The following SSX3 variants were observed in gnomAD, a reference collection of about 807,000 sequenced individuals.
The protein encoded by SSX3 is SSX family member 3, also known as protein SSX3.
SSX3 carries 6 observed loss-of-function variants against 14.8 expected under a neutral mutation model. That is an observed-to-expected ratio of 0.41 (90% CI 0.22 to 0.80). SSX3 has a LOEUF of 0.80. SSX3 is among the 30% of genes least tolerant of loss of function. SSX3 has a pLI of 0.34. For missense variants in SSX3, 163 were observed against 152.2 expected, an observed-to-expected ratio of 1.07 and a Z score of -0.37; for synonymous variants, 55 against 52.9, an observed-to-expected ratio of 1.04 and a Z score of -0.18.
chrX:48,347,434 A>G, intron 7 of SSX3, 66 bp downstream of exon 7: 1 of 1,194,890 alleles, frequency 8.4e-7, no homozygotes, highest in South Asian at 1.8e-5. Context: ...GACAGATGGG[A>G]TGCCAGTATC....
Position 48,347,528 on chromosome X carries a change from G to A in SSX3, c.543C>T (p.Ser181=), listed in dbSNP as rs782722234. 3.0e-5 allele frequency: 36 copies of A among 1,208,590 alleles called. No individual in the cohort carries two copies. The highest frequency in any genetic ancestry group is 8.8e-5 in the South Asian group (5 of 56,727). The stretch of plus-strand genomic sequence containing the variant: ...GTTACTCATCATCTTCCTCAGGATC[G>A]CTGATCTCTTCATAAATCACCAGCT... ...RKQLVIYEEI[S]DPEEDDE is the part of the protein sequence containing the mutation. Residue 181 remains serine, a synonymous_variant, in exon 7 of 8, where the codon AGC becomes AGT. Transcript: ENST00000298396.
At chrX:48,351,719 T>C (rs2061263911) in intron 5 of SSX3, among the ~76,000 whole-genome samples, 1 of 111,973 alleles carries the variant, frequency 8.9e-6, no homozygotes, top group Non-Finnish European at 1.9e-5. Context: ...ATTCTTTACT[T>C]CCATTTCATG....
chrX:48,352,895 T>A (rs781870107), intron 4 of SSX3, among the ~76,000 whole-genome samples: 1 of 112,223 alleles, frequency 8.9e-6, no homozygotes, highest in Non-Finnish European at 1.9e-5. Context: ...AAGCTCTCTG[T>A]GTTTTCGATA....
rs1358886373 is a variant in SSX3, at chrX:48,347,022, T to G, written c.*18A>C. 13 of 1,196,247 alleles carry G rather than the reference T, an allele frequency of 1.1e-5. No homozygotes were observed. In the Admixed American group the frequency reaches 2.8e-4, roughly 26 times the overall value. ...TTCTGCTTCTCATCATGGGCATGTG[T>G]CATATCCCCAAGGCTGAGGCAAGAA... On this transcript the variant is annotated 3_prime_UTR_variant, in exon 8 of 8. Coordinates refer to ENST00000298396, the MANE Select transcript of SSX3 (RefSeq NM_021014.4).
rs1291466781 is a variant in SSX3 at position 48,352,120 on chromosome X, G to A, written c.310C>T (p.Leu104Phe). 12 of 1,210,214 alleles carry A rather than the reference G, an allele frequency of 9.9e-6. No individual in the cohort carries two copies. The highest frequency in any genetic ancestry group is 1.3e-5 in the Non-Finnish European group (12 of 894,206). The change falls in exon 5 of 8, where the codon CTC (leucine) becomes TTC (phenylalanine). Residue 104 changes from leucine to phenylalanine, a missense_variant. Transcript: ENST00000298396. The stretch of plus-strand genomic sequence containing the variant: ...CTCACCTTCGGGAAGATTCCCTGGA[G>A]CCTGCCGAAAGTCATCTGAGGACGT... Reference protein sequence around the residue: ...VQRPQMTFGRLQGIFPKIMPK... With the variant: ...VQRPQMTFGRFQGIFPKIMPK...
At chrX:48,355,114 C>G (rs1256194388) in intron 2 of SSX3, 67 bp downstream of exon 2, 2 of 1,201,321 alleles carry the variant, frequency 1.7e-6, no homozygotes, top group Non-Finnish European at 2.3e-6. Flanking sequence ...GTCCTCCCCT[C>G]CTCAGAAACC....
chrX:48,346,494 C>T lies in SSX3; in HGVS notation c.*546G>A. The T allele has an allele frequency of 4.4e-6, 1 of 226,171 alleles. No homozygotes were observed. The highest frequency in any genetic ancestry group is 8.0e-6 in the Non-Finnish European group (1 of 125,147). The allele number at this position is 226,171 out of a possible 1,213,427, so 18.6% of individuals were successfully genotyped here. The stretch of plus-strand genomic sequence containing the variant: ...GGGAATCGGATGAGGGGAGTACATG[C>T]TGACCAGGAAACAGAGTGAGGGAAG... On this transcript the variant is annotated 3_prime_UTR_variant, in exon 8 of 8. Transcript: ENST00000298396.
At chrX:48,347,180 G>A (rs1420196186) in intron 7 of SSX3, 145 bp from the exon 8 acceptor site, 20 of 840,504 alleles carry the variant, frequency 2.4e-5, no homozygotes, top group Non-Finnish European at 3.2e-5. Flanking sequence ...ACGGTTCCTC[G>A]AAGTGAACCA....
intron 4 of SSX3, 146 bp from the exon 5 acceptor site, chrX:48,352,295 T>A: frequency 1.4e-6 from 1 of 722,014 alleles, no homozygotes; most frequent in Non-Finnish European, 2.1e-6. Flanking sequence ...TTCTGAATTA[T>A]GTTTAGTCAT....
At chrX:48,348,816 C>A (rs1601980127) in intron 6 of SSX3, among the ~76,000 whole-genome samples, 1 of 112,585 alleles carries the variant, frequency 8.9e-6, no homozygotes, top group South Asian at 3.6e-4. Context: ...CCAGCCACAA[C>A]ATTCCCTTAA....
Position 48,349,516 on chromosome X carries a change from C to G in SSX3, c.466+471G>C, listed in dbSNP as rs1170048778. 9 of 1,205,161 alleles carry G rather than the reference C, an allele frequency of 7.5e-6. No homozygotes were observed. In the South Asian group the frequency reaches 1.1e-4, roughly 14 times the overall value. ...ACATAACGTTTTATGCACTGTCAAA[C>G]AAAAAACAATGTGTGTGACTCACTT... On this transcript the variant is annotated intron_variant, in intron 6 of 7. Transcript: ENST00000298396.
chrX:48,353,246 T>C (rs2061271053), intron 4 of SSX3, among the ~76,000 whole-genome samples: 2 of 111,012 alleles, frequency 1.8e-5, no homozygotes. Flanking sequence ...CAGAAAAGTA[T>C]GGGGAATAAT....
At chrX:48,351,211 C>G (rs1296782496) in intron 5 of SSX3, among the ~76,000 whole-genome samples, 1 of 112,138 alleles carries the variant, frequency 8.9e-6, no homozygotes, top group Admixed American at 9.5e-5. Flanking sequence ...CACAATCCTT[C>G]TTTGAATTCA....
chrX:48,350,005 T>C lies in SSX3; in HGVS notation c.448A>G (p.Lys150Glu). 8.3e-7 allele frequency: 1 copy of C among 1,211,576 alleles called. No individual in the cohort carries two copies. Among genetic ancestry groups the C allele is most frequent in the Non-Finnish European group, 1.1e-6 (1 of 895,487 alleles). ...CPPGKPTTSEKINMISGPKRG... is the reference protein window; with the variant it reads ...CPPGKPTTSEEINMISGPKRG... ...CTCTTACCAGATATCATGTTAATCT[T>C]CTCAGAGGTAGTTGGTTTTCCCGGG... Residue 150 changes from lysine (K) to glutamate (E), a missense_variant, in exon 6 of 8, where the codon AAG becomes GAG. Lys to Glu is a moderately conservative substitution (Grantham distance 56). Transcript: ENST00000298396.
Position 48,350,019 on chromosome X carries a change from G to A in SSX3, c.434C>T (p.Pro145Leu), listed in dbSNP as rs782616278. 2 of 1,211,648 alleles carry A rather than the reference G, an allele frequency of 1.7e-6. No homozygotes were observed. Among genetic ancestry groups the A allele is most frequent in the East Asian group, 3.0e-5 (1 of 33,837 alleles). Residue 145 changes from proline to leucine, a missense_variant, in exon 6 of 8, where the codon CCA becomes CTA. Coordinates refer to ENST00000298396, the MANE Select transcript of SSX3 (RefSeq NM_021014.4). ...CATGTTAATCTTCTCAGAGGTAGTT[G>A]GTTTTCCCGGGGGGCACAGCTGTTT... Reference protein sequence around the residue: ...DGKQLCPPGKPTTSEKINMIS... With the variant: ...DGKQLCPPGKLTTSEKINMIS...
chrX:48,350,294 G>T (rs1167361917), intron 5 of SSX3, among the ~76,000 whole-genome samples, 172 bp from the exon 6 acceptor site: 5 of 111,034 alleles, frequency 4.5e-5, no homozygotes, highest in Non-Finnish European at 9.4e-5. Context: ...GAAGGGAAAG[G>T]AATGGCCTAA....
intron 6 of SSX3, among the ~76,000 whole-genome samples, chrX:48,349,024 G>C (rs140119833): frequency 0.02 from 2,225 of 112,404 alleles, 41 homozygotes; most frequent in Admixed American, 0.072. Flanking sequence ...AAGTTATCCG[G>C]AAGATCTAGC....
intron 5 of SSX3, among the ~76,000 whole-genome samples, chrX:48,350,731 G>C (rs1556949574): frequency 1.8e-5 from 2 of 110,666 alleles, no homozygotes; most frequent in African/African-American, 3.3e-5. Context: ...GGTTGCATTG[G>C]GATGTGTACT....
intron 1 of SSX3, among the ~76,000 whole-genome samples, chrX:48,356,059 A>G (rs1426922723): frequency 9.0e-6 from 1 of 111,617 alleles, no homozygotes; most frequent in Non-Finnish European, 1.9e-5. Context: ...GGCCTGTACC[A>G]TCCCAGCACT....
Sources: allele counts gnomAD v4.1 joint callset (sites outside exome capture counted in the v4.1 genomes callset), GRCh38; gene constraint gnomAD v4.1.1; transcripts MANE v1.5; gene names NCBI Gene and HGNC (gene_info 2026-07-23, HGNC 2026-07-21).